Variants in LRRC8D observed in about 807,000 individuals in gnomAD.
The protein encoded by LRRC8D is volume-regulated anion channel subunit LRRC8D.
In LRRC8D, 20 loss-of-function variants were observed where a neutral mutation model predicts 55.8. The ratio of observed to expected loss-of-function variants is 0.36; its 90% confidence interval spans 0.25 to 0.52. The LOEUF (loss-of-function observed/expected upper bound fraction) is 0.52. Ranked by LOEUF, LRRC8D falls within the 20% of genes least tolerant of loss-of-function variation. LRRC8D has a pLI of 0.93. For synonymous variants in LRRC8D, 352 were observed against 377.0 expected (o/e 0.93, Z 0.77); for missense variants, 651 against 1,030.8 (o/e 0.63, Z 5.05).
At chr1:89,830,592 C>A (rs911258143) in intron 1 of LRRC8D, among the ~76,000 whole-genome samples, 2 of 152,150 alleles carry the variant, frequency 1.3e-5, no homozygotes, top group Non-Finnish European at 2.9e-5. Context: ...TGGCAGCAGG[C>A]ACTCGCCCTC....
chr1:89,897,979 A>C (rs1180357364), intron 2 of LRRC8D, among the ~76,000 whole-genome samples: 3 of 152,178 alleles, frequency 2.0e-5, no homozygotes, highest in Non-Finnish European at 4.4e-5. Context: ...CTCTCCTAGC[A>C]CAGCAGATAA....
At position 89,843,792 on chromosome 1, in the gene LRRC8D, G is replaced by T; in HGVS notation, c.-3+10G>T. The T allele has an allele frequency of 3.0e-6, 2 of 670,984 alleles. No homozygotes were observed. The highest frequency in any genetic ancestry group is 5.4e-6 in the Non-Finnish European group (2 of 367,090). 41.6% of individuals were successfully genotyped at this position (670,984 alleles called of 1,614,324 possible). On this transcript the variant is annotated intron_variant, in intron 2 of 2. Coordinates refer to ENST00000337338, the MANE Select transcript of LRRC8D (RefSeq NM_001134479.2). ...TGGCCGCTTGGTCCAGGTGCGCGGG[G>T]TCGGGTCTGGGTCCAGGGAGCGGGT...
intron 2 of LRRC8D, among the ~76,000 whole-genome samples, chr1:89,924,089 T>G (rs1226365632): frequency 3.9e-5 from 6 of 152,288 alleles, no homozygotes; most frequent in Admixed American, 1.3e-4. Flanking sequence ...GGGACCTAAT[T>G]AAACTAAAGA....
chr1:89,844,837 G>C lies in LRRC8D; in HGVS notation c.-3+1055G>C, dbSNP rs538235690. Among the ~76,000 whole-genome samples, 4 of 152,278 alleles carry C rather than the reference G, an allele frequency of 2.6e-5. No homozygotes were observed. In the South Asian group the frequency reaches 6.2e-4, roughly 24 times the overall value. ...CTCTAGTCTTGGGGAGGACACTAAG[G>C]GGAGTGGGATGGCTGAGAATAATCA... is the stretch of plus-strand genomic sequence containing the variant. On this transcript the variant is annotated intron_variant, in intron 2 of 2. Transcript: ENST00000337338.
At chr1:89,840,995 A>G (rs1367483294) in intron 1 of LRRC8D, among the ~76,000 whole-genome samples, 1 of 152,248 alleles carries the variant, frequency 6.6e-6, no homozygotes. Context: ...GTTTCTAGCT[A>G]AATGCCCTGC....
Position 89,933,346 on chromosome 1 carries a change from G to A in LRRC8D, c.278G>A (p.Arg93Gln), listed in dbSNP as rs773687858. 1.8e-5 allele frequency: 29 copies of A among 1,613,854 alleles called. No individual in the cohort carries two copies. Among genetic ancestry groups the A allele is most frequent in the South Asian group, 6.6e-5 (6 of 91,078 alleles). The change falls in exon 3 of 3, where the codon CGG (arginine) becomes CAG (glutamine). Residue 93 changes from arginine to glutamine, a missense_variant. By Grantham distance (43) the Arg-to-Gln change is conservative. This residue lies in a region of LRRC8D where 118 missense variants were observed against 138.0 expected (regional missense o/e 0.85). Transcript: ENST00000337338. The surrounding 1 kb of genome is among the most constrained non-coding windows in gnomAD (Gnocchi z 7.0). ...EAATNQDQDG[R>Q]TTNDISFGTS... ...GCCACCAACCAAGACCAAGATGGGC[G>A]GACAACAAACGACATTTCCTTTGGG...
intron 2 of LRRC8D, among the ~76,000 whole-genome samples, chr1:89,848,861 G>C (rs997323690): frequency 1.1e-4 from 16 of 152,010 alleles, no homozygotes; most frequent in Non-Finnish European, 2.2e-4. Context: ...CACCACGCTG[G>C]CTAATTTTTT....
At chr1:89,907,114 G>T (rs978165406) in intron 2 of LRRC8D, among the ~76,000 whole-genome samples, 1 of 148,104 alleles carries the variant, frequency 6.8e-6, no homozygotes, top group Admixed American at 6.8e-5. Flanking sequence ...ATCACGTTCA[G>T]AACACAAAGG....
rs544535366 is a variant in LRRC8D at position 89,849,410 on chromosome 1, C to T, written c.-3+5628C>T. ...ATATTGCTGGATCATAGGATATATG[C>T]GTACTAGGAACTGCATAATTTTACT... On this transcript the variant is annotated intron_variant, in intron 2 of 2. Coordinates refer to ENST00000337338, the MANE Select transcript of LRRC8D (RefSeq NM_001134479.2). 6.2e-4 allele frequency among the ~76,000 whole-genome samples: 94 copies of T among 151,748 alleles called. 2 individuals are homozygous for T. The highest frequency in any genetic ancestry group is 4.2e-4 in the South Asian group (2 of 4,810).
intron 2 of LRRC8D, among the ~76,000 whole-genome samples, chr1:89,872,071 AT>A (rs1407969463): frequency 1.3e-5 from 2 of 152,206 alleles, no homozygotes; most frequent in African/African-American, 4.8e-5. Context: ...TCACACTTAA[AT>A]TTTATAAATT....
At chr1:89,872,128 C>T (rs1323075563) in intron 2 of LRRC8D, among the ~76,000 whole-genome samples, 1 of 152,190 alleles carries the variant, frequency 6.6e-6, no homozygotes, top group Non-Finnish European at 1.5e-5. Flanking sequence ...AACGTAAATG[C>T]AAGTTCTTTT....
intron 2 of LRRC8D, among the ~76,000 whole-genome samples, chr1:89,896,703 G>A (rs558685827): frequency 6.2e-4 from 95 of 152,242 alleles, no homozygotes; most frequent in Non-Finnish European, 1.2e-3. Context: ...GCGGGAAATC[G>A]CCATATCACA....
chr1:89,873,889 A>T (rs1403890179), intron 2 of LRRC8D, among the ~76,000 whole-genome samples: 2 of 152,162 alleles, frequency 1.3e-5, no homozygotes, highest in East Asian at 3.8e-4. Context: ...TTTTTTCCTC[A>T]TCAGCTGCCT....
chr1:89,834,859 C>G (rs2100719952), intron 1 of LRRC8D, among the ~76,000 whole-genome samples: 1 of 152,254 alleles, frequency 6.6e-6, no homozygotes, highest in East Asian at 1.9e-4. Flanking sequence ...TTGGGAAATG[C>G]TGCTGGGATG....
At chr1:89,865,423 ATATTAAAAC>A (rs1661819493) in intron 2 of LRRC8D, among the ~76,000 whole-genome samples, 1 of 150,902 alleles carries the variant, frequency 6.6e-6, no homozygotes, top group African/African-American at 2.4e-5. Context: ...TACAAATAAT[ATATTAAAAC>A]CTTTGAAATT....
In LRRC8D at chr1:89,824,310, G is replaced by C. The variant is rs117549304; in HGVS notation, c.-148+3019G>C. Among the ~76,000 whole-genome samples the C allele has an allele frequency of 2.8e-3, 432 of 152,264 alleles. 8 individuals are homozygous for C. Among genetic ancestry groups the C allele is most frequent in the Admixed American group, 0.02 (309 of 15,296 alleles). On this transcript the variant is annotated intron_variant, in intron 1 of 2. Coordinates refer to ENST00000337338, the MANE Select transcript of LRRC8D (RefSeq NM_001134479.2). ...GCTGATGTAGGAGACTTGTGCTCAG[G>C]TCTGATGTGATTAGGGTCTGGGCAA... is the stretch of plus-strand genomic sequence containing the variant.
intron 2 of LRRC8D, among the ~76,000 whole-genome samples, chr1:89,851,472 C>T (rs188670092): frequency 4.0e-4 from 60 of 151,742 alleles, no homozygotes; most frequent in Non-Finnish European, 1.5e-5. Flanking sequence ...GTTTGTGTGC[C>T]TCTGCAGAGT....
rs1456413494 is a variant in LRRC8D, at chr1:89,911,978, G to T, written c.-2-21089G>T. ...AGTGATCCCCTGGATTCTGCCATTGGCCTTTTTTCTCTGTGTATGCTCTCC... is the reference window on the plus strand; with the variant it reads ...AGTGATCCCCTGGATTCTGCCATTGTCCTTTTTTCTCTGTGTATGCTCTCC... On this transcript the variant is annotated intron_variant, in intron 2 of 2. Transcript: ENST00000337338. This position sits in a 1 kb window ranked among gnomAD's most constrained non-coding sequence, Gnocchi z 4.0. 6.6e-6 allele frequency among the ~76,000 whole-genome samples: 1 copy of T among 151,714 alleles called. No individual in the cohort carries two copies. Among genetic ancestry groups the T allele is most frequent in the African/African-American group, 2.4e-5 (1 of 41,252 alleles).
intron 2 of LRRC8D, among the ~76,000 whole-genome samples, chr1:89,854,822 C>T (rs1378556253): frequency 6.6e-6 from 1 of 152,142 alleles, no homozygotes; most frequent in Non-Finnish European, 1.5e-5. Context: ...ATAACCGTAC[C>T]CAGGTGTCTG....
Sources: gnomAD v4.1 joint callset for allele counts (sites outside exome capture counted in the v4.1 genomes callset) on GRCh38, gnomAD v4.1.1 for gene constraint, gnomAD v4.1.1 regional missense constraint, Gnocchi (gnomAD v3.1) non-coding constraint, MANE v1.5 for transcripts, NCBI Gene and HGNC (gene_info 2026-07-23, HGNC 2026-07-21) for gene names.